LHFPL2: variants seen among roughly 807,000 people sequenced by gnomAD.
LHFPL2 encodes the protein LHFPL tetraspan subfamily member 2 protein.
In LHFPL2, 7 loss-of-function variants were observed where a neutral mutation model predicts 17.5. The ratio of observed to expected loss-of-function variants is 0.40; its 90% CI spans 0.23 to 0.75. The LOEUF is 0.75. Among genes scored for constraint, LHFPL2 ranks in the 30% least tolerant of loss-of-function variants. The pLI is 0.37. For missense variants in LHFPL2, 241 were observed against 294.8 expected, an observed-to-expected ratio of 0.82 and a Z score of 1.34; for synonymous variants, 134 against 116.2, an observed-to-expected ratio of 1.15 and a Z score of -0.99.
At chr5:78,533,670 G>A (rs538156607) in intron 3 of LHFPL2, among the ~76,000 whole-genome samples, 88 of 143,580 alleles carry the variant, frequency 6.1e-4, no homozygotes, top group Non-Finnish European at 1.2e-3. Flanking sequence ...CCTGCTTGTA[G>A]GGGCTAAGTC....
rs553361066 is a variant in LHFPL2 at position 78,641,308 on chromosome 5, C to T, written c.-350+7191G>A. Among the ~76,000 whole-genome samples, 105 of 152,320 alleles carry T rather than the reference C, an allele frequency of 6.9e-4. 2 individuals are homozygous for T. The South Asian group carries it at 0.02, about 29-fold the overall frequency. ...TGGGCTACTATCATCCACCTATTAC[C>T]CTTGTGCAGTCAAAGGCCAGACAAC... On this transcript the variant is annotated intron_variant, in intron 1 of 4. Coordinates refer to ENST00000380345, the MANE Select transcript of LHFPL2 (RefSeq NM_005779.3).
chr5:78,569,652 A>G (rs1756945319), intron 2 of LHFPL2, among the ~76,000 whole-genome samples: 1 of 152,206 alleles, frequency 6.6e-6, no homozygotes, highest in African/African-American at 2.4e-5. Context: ...TGAACCGTCT[A>G]CCAAGCACAG....
intron 1 of LHFPL2, among the ~76,000 whole-genome samples, chr5:78,646,208 G>C (rs541659907): frequency 2.6e-5 from 4 of 152,190 alleles, no homozygotes; most frequent in Admixed American, 6.5e-5. Context: ...AGGCTAATCA[G>C]AATGAGCCAA....
chr5:78,512,023 T>C (rs527857897), intron 3 of LHFPL2, among the ~76,000 whole-genome samples: 2 of 152,220 alleles, frequency 1.3e-5, no homozygotes, highest in East Asian at 3.9e-4. Flanking sequence ...CCTCACCAGA[T>C]TGTTGCAAGG....
intron 3 of LHFPL2, among the ~76,000 whole-genome samples, chr5:78,525,859 G>A (rs1042021780): frequency 1.3e-5 from 2 of 152,236 alleles, no homozygotes; most frequent in Admixed American, 6.5e-5. Flanking sequence ...GAGGACAGTT[G>A]TGATGGAGCT....
Position 78,634,611 on chromosome 5 carries a change from G to T in LHFPL2, c.-349-2243C>A, listed in dbSNP as rs189919561. Reference sequence around the variant, plus strand: ...CCACTAGACTGTGAGCTTTCCAAGGGGTGTAATAAGCATGTGTTGAATAAA... The same window carrying T: ...CCACTAGACTGTGAGCTTTCCAAGGTGTGTAATAAGCATGTGTTGAATAAA... On this transcript the variant is annotated intron_variant, in intron 1 of 4. Transcript: ENST00000380345. Among the ~76,000 whole-genome samples the T allele has an allele frequency of 1.8e-3, 280 of 152,240 alleles. 2 individuals carry two copies. Among genetic ancestry groups the T allele is most frequent in the Non-Finnish European group, 2.2e-3 (149 of 68,014 alleles).
At chr5:78,579,528 T>A (rs1023744755) in intron 2 of LHFPL2, among the ~76,000 whole-genome samples, 1 of 151,998 alleles carries the variant, frequency 6.6e-6, no homozygotes, top group African/African-American at 2.4e-5. Flanking sequence ...GAGTGTGATG[T>A]TCCCCTTCCT....
At chr5:78,512,268 T>G (rs906320430) in intron 3 of LHFPL2, among the ~76,000 whole-genome samples, 4 of 151,960 alleles carry the variant, frequency 2.6e-5, no homozygotes. Flanking sequence ...AAACTTACCT[T>G]GCAGCCTTCA....
intron 3 of LHFPL2, among the ~76,000 whole-genome samples, chr5:78,523,767 C>T (rs558513921): frequency 3.9e-5 from 6 of 152,216 alleles, no homozygotes; most frequent in South Asian, 2.1e-4. Flanking sequence ...AAATGTTGCG[C>T]GCTGCAGTTT....
chr5:78,642,965 C>A (rs1745731187), intron 1 of LHFPL2, among the ~76,000 whole-genome samples: 1 of 152,154 alleles, frequency 6.6e-6, no homozygotes, highest in Non-Finnish European at 1.5e-5. Context: ...CCCAGCTCAC[C>A]TTGTTCCCCC....
At chr5:78,646,563 A>G (rs755356937) in intron 1 of LHFPL2, among the ~76,000 whole-genome samples, 7 of 152,256 alleles carry the variant, frequency 4.6e-5, no homozygotes, top group Admixed American at 6.5e-5. Context: ...TGGGAGCCCA[A>G]TAGCCCAAAT....
chr5:78,596,525 G>A (rs1195897151), intron 2 of LHFPL2, among the ~76,000 whole-genome samples: 1 of 152,180 alleles, frequency 6.6e-6, no homozygotes, highest in East Asian at 1.9e-4. Context: ...CATACCTAAT[G>A]TGATAAAGAG....
chr5:78,573,009 G>A (rs535229275), intron 2 of LHFPL2, among the ~76,000 whole-genome samples: 4 of 152,280 alleles, frequency 2.6e-5, no homozygotes, highest in Admixed American at 1.3e-4. Flanking sequence ...AGCTCAGGCC[G>A]TAATGCTCGC....
chr5:78,489,240 G>C, intron 4 of LHFPL2, 87 bp from the exon 5 acceptor site: 1 of 1,507,276 alleles, frequency 6.6e-7, no homozygotes, highest in Non-Finnish European at 9.1e-7. Context: ...TGATTTGCTT[G>C]CTTTGGGCAA....
At chr5:78,608,789 G>A (rs534597953) in intron 2 of LHFPL2, among the ~76,000 whole-genome samples, 12 of 152,064 alleles carry the variant, frequency 7.9e-5, no homozygotes, top group East Asian at 3.9e-4. Context: ...AAAATTAGCC[G>A]GGCGCGGTGG....
At chr5:78,517,658 A>AT (rs1420584963) in intron 3 of LHFPL2, among the ~76,000 whole-genome samples, 1 of 152,132 alleles carries the variant, frequency 6.6e-6, no homozygotes, top group African/African-American at 2.4e-5. Context: ...ATCTCGTGAG[A>AT]CTACTGACTA....
At chr5:78,610,986 G>C (rs1348722623) in intron 2 of LHFPL2, among the ~76,000 whole-genome samples, 1 of 152,134 alleles carries the variant, frequency 6.6e-6, no homozygotes, top group African/African-American at 2.4e-5. Context: ...ACAGGGAGTG[G>C]TGCAGCTCTG....
At chr5:78,637,741 C>T (rs1745506026) in intron 1 of LHFPL2, among the ~76,000 whole-genome samples, 1 of 152,220 alleles carries the variant, frequency 6.6e-6, no homozygotes, top group Non-Finnish European at 1.5e-5. Context: ...GCAGGGGAAG[C>T]ATCACGGAGA....
intron 2 of LHFPL2, among the ~76,000 whole-genome samples, chr5:78,617,218 C>A (rs549099218): frequency 6.6e-6 from 1 of 151,896 alleles, no homozygotes; most frequent in Admixed American, 6.6e-5. Flanking sequence ...TTAGTAGAGA[C>A]GGGGTTTCAT....
Sources: allele counts gnomAD v4.1 joint callset (sites outside exome capture counted in the v4.1 genomes callset), GRCh38; gene constraint gnomAD v4.1.1; transcripts MANE v1.5; gene names NCBI Gene and HGNC (gene_info 2026-07-23, HGNC 2026-07-21).